Variants in TBATA observed in about 807,000 individuals in gnomAD.
The protein encoded by TBATA is thymus, brain and testes associated.
In TBATA, 47 loss-of-function variants were observed where a neutral mutation model predicts 38.7. The observed-to-expected ratio is 1.21, with a 90% CI of 0.96 to 1.55. The LOEUF (loss-of-function observed/expected upper bound fraction) is 1.55. TBATA is among the 40% of genes most tolerant of loss of function. The pLI, the probability that TBATA is intolerant of heterozygous loss-of-function variation, is 0.00. For missense variants in TBATA, 436 were observed against 435.6 expected (o/e 1.00, Z -0.01); for synonymous variants, 183 against 170.5 (o/e 1.07, Z -0.57).
intron 4 of TBATA, among the ~76,000 whole-genome samples, chr10:70,780,002 T>C (rs1756275637): frequency 6.6e-6 from 1 of 152,128 alleles, no homozygotes; most frequent in Admixed American, 6.6e-5. Flanking sequence ...GACAAGAACT[T>C]AGGCTTCCTG....
At chr10:70,776,766 T>C (rs1843455277) in intron 7 of TBATA, among the ~76,000 whole-genome samples, 1 of 152,160 alleles carries the variant, frequency 6.6e-6, no homozygotes, top group South Asian at 2.1e-4. Flanking sequence ...GGCCCCTCGC[T>C]GAGTGTGGAC....
chr10:70,776,091 T>A (rs1843356248), intron 7 of TBATA, among the ~76,000 whole-genome samples: 1 of 151,620 alleles, frequency 6.6e-6, no homozygotes, highest in Admixed American at 6.6e-5. Context: ...AGCCCTGGAG[T>A]CCTAAGAAAG....
chr10:70,775,113 G>A (rs1259962380), intron 8 of TBATA, 76 bp downstream of exon 8: 19 of 1,420,192 alleles, frequency 1.3e-5, no homozygotes, highest in African/African-American at 2.8e-5. Flanking sequence ...GGACATTTGA[G>A]TCCTGCAGAA....
intron 5 of TBATA, 30 bp downstream of exon 5, chr10:70,779,563 G>A (rs1429912954): frequency 1.4e-6 from 2 of 1,457,516 alleles, no homozygotes; most frequent in South Asian, 1.6e-5. Context: ...TGAGCCCCAG[G>A]GTAGAGGGAG....
chr10:70,784,138 A>C (rs756737577), intron 2 of TBATA, among the ~76,000 whole-genome samples: 9 of 152,232 alleles, frequency 5.9e-5, no homozygotes, highest in Non-Finnish European at 1.0e-4. Context: ...GTTTAAAAGC[A>C]AGCAAAATGA....
rs1843943893 is a variant in TBATA at position 70,779,891 on chromosome 10, T to C, written c.278-149A>G. 3 of 824,618 alleles carry C rather than the reference T, an allele frequency of 3.6e-6. No homozygotes were observed. The East Asian group carries it at 9.5e-5, about 26-fold the overall frequency. 51.1% of individuals were successfully genotyped at this position (824,618 alleles called of 1,614,324 possible). ...TAGATTATCAGAGCTGGGAGGGCAT[T>C]GTAACCACCTAGACCAGCGACCGCC... On this transcript the variant is annotated intron_variant, in intron 4 of 10. Transcript: ENST00000456372.
In TBATA at chr10:70,772,646, T is replaced by A. The variant is rs1589366186; in HGVS notation, c.921-80A>T. The A allele has an allele frequency of 2.1e-6, 3 of 1,447,400 alleles. No individual in the cohort carries two copies. In the Admixed American group the frequency reaches 5.0e-5, roughly 24 times the overall value. The allele number at this position is 1,447,400 out of a possible 1,614,324, so 89.7% of individuals were successfully genotyped here. On this transcript the variant is annotated intron_variant, in intron 9 of 10. Coordinates refer to ENST00000456372, the MANE Select transcript of TBATA (RefSeq NM_001318241.2). ...ACGGGTGGCAGGGGAGACAGGGAGG[T>A]GGGGAAGGTGGTGCAGGTGCAGTCA...
At chr10:70,781,559 T>A (rs1844212937) in intron 4 of TBATA, among the ~76,000 whole-genome samples, 1 of 152,228 alleles carries the variant, frequency 6.6e-6, no homozygotes, top group Non-Finnish European at 1.5e-5. Flanking sequence ...CTTTCTCTGA[T>A]TTGTAAAATG....
In TBATA at chr10:70,771,466, T is replaced by A. The variant is rs368824636; in HGVS notation, c.974-5A>T. On this transcript the variant is annotated splice_polypyrimidine_tract_variant and splice_region_variant and intron_variant, in intron 10 of 10. Coordinates refer to ENST00000456372, the MANE Select transcript of TBATA (RefSeq NM_001318241.2). Reference sequence around the variant, plus strand: ...CTTGAGCTTCTCCAATGTACTCTAGTGGGAGGAGAGACAGCAGGCAGGAGA... The same window carrying A: ...CTTGAGCTTCTCCAATGTACTCTAGAGGGAGGAGAGACAGCAGGCAGGAGA... 4.3e-5 allele frequency: 69 copies of A among 1,612,778 alleles called. No individual in the cohort carries two copies. Among genetic ancestry groups the A allele is most frequent in the Non-Finnish European group, 5.8e-5 (68 of 1,179,286 alleles).
chr10:70,772,381 A>C, intron 10 of TBATA, 133 bp downstream of exon 10: 1 of 869,880 alleles, frequency 1.1e-6, no homozygotes. Flanking sequence ...AATATGAATA[A>C]GTGAATGAAT....
Position 70,781,910 on chromosome 10 carries a change from C to T in TBATA, c.168G>A (p.Leu56=). 3 of 1,614,206 alleles carry T rather than the reference C, an allele frequency of 1.9e-6. No individual in the cohort carries two copies. Among genetic ancestry groups the T allele is most frequent in the Non-Finnish European group, 2.5e-6 (3 of 1,180,030 alleles). ...IVDFERIRRA[L]RTPKPQTPGT... ...CAGGGGTTTGGGGCTTTGGGGTCCT[C>T]AATGCCCGGCGGATCCGCTCGAAAT... is the stretch of plus-strand genomic sequence containing the variant. The change falls in exon 4 of 11, where the codon TTG becomes TTA. Residue 56 remains leucine, a synonymous_variant. Coordinates refer to ENST00000456372, the MANE Select transcript of TBATA (RefSeq NM_001318241.2).
chr10:70,773,570 C>A (rs1410400621), intron 9 of TBATA, among the ~76,000 whole-genome samples: 2 of 152,040 alleles, frequency 1.3e-5, no homozygotes, highest in Non-Finnish European at 2.9e-5. Flanking sequence ...GGGAGTCAGT[C>A]GGGTCCAAGA....
intron 3 of TBATA, 41 bp from the exon 4 acceptor site, chr10:70,782,077 C>G: frequency 6.3e-7 from 1 of 1,593,324 alleles, no homozygotes; most frequent in South Asian, 1.1e-5. Context: ...GGAGTCTCCT[C>G]TGGCAGTGGG....
chr10:70,783,739 A>G (rs1218048725), intron 2 of TBATA, among the ~76,000 whole-genome samples: 5 of 152,258 alleles, frequency 3.3e-5, no homozygotes, highest in Admixed American at 1.3e-4. Context: ...GCTGTGGTGC[A>G]TTCAGACAAT....
chr10:70,775,252 G>C lies in TBATA; in HGVS notation c.712C>G (p.Arg238Gly). Residue 238 changes from arginine to glycine, a missense_variant, in exon 8 of 11, where the codon CGG becomes GGG. Physicochemically the swap from Arg to Gly is moderately radical, Grantham distance 125. Coordinates refer to ENST00000456372, the MANE Select transcript of TBATA (RefSeq NM_001318241.2). ...QELLVLELLC[R>G]ILETDLLSAI... ...CTTAGCAAGTCTGTTTCCAGGATCC[G>C]ACACAGGAGCTCCAGGACCTGTGGG... The C allele has an allele frequency of 6.2e-7, 1 of 1,614,126 alleles. No individual in the cohort carries two copies. The highest frequency in any genetic ancestry group is 8.5e-7 in the Non-Finnish European group (1 of 1,179,984).
chr10:70,780,767 C>G (rs75587114), intron 4 of TBATA, among the ~76,000 whole-genome samples: 261 of 152,304 alleles, frequency 1.7e-3, no homozygotes, highest in Non-Finnish European at 3.4e-3. Context: ...CTCCAGTTTC[C>G]CAGGTGCTCA....
At chr10:70,772,932 G>A (rs75804911) in intron 9 of TBATA, among the ~76,000 whole-genome samples, 3,496 of 152,236 alleles carry the variant, frequency 0.023, 57 homozygotes, top group Non-Finnish European at 0.032. Context: ...CCTTTGAGTG[G>A]GCAAGACAAG....
intron 6 of TBATA, among the ~76,000 whole-genome samples, chr10:70,778,131 C>T (rs1001017975): frequency 1.3e-5 from 2 of 152,162 alleles, no homozygotes; most frequent in African/African-American, 4.8e-5. Flanking sequence ...ATTCTCTGCT[C>T]CTTATGCGAT....
At chr10:70,773,849 A>G (rs1482595430) in intron 9 of TBATA, among the ~76,000 whole-genome samples, 1 of 152,228 alleles carries the variant, frequency 6.6e-6, no homozygotes, top group Non-Finnish European at 1.5e-5. Context: ...CAGGGCACTT[A>G]GTACTGGTAT....
Sources: gnomAD v4.1 joint callset for allele counts (sites outside exome capture counted in the v4.1 genomes callset) on GRCh38, gnomAD v4.1.1 for gene constraint, MANE v1.5 for transcripts, NCBI Gene and HGNC (gene_info 2026-07-23, HGNC 2026-07-21) for gene names.